WDPCP: variants seen among roughly 807,000 people sequenced by gnomAD.
WDPCP encodes the protein WD repeat containing planar cell polarity effector.
WDPCP carries 71 observed loss-of-function variants against 93.1 expected under a neutral mutation model. That is an observed-to-expected ratio of 0.76 (90% CI 0.63 to 0.93). The LOEUF is 0.93. Among genes scored for constraint, WDPCP ranks in the 40% least tolerant of loss-of-function variants. The probability of loss-of-function intolerance (pLI) is 0.00; values close to 1 mark genes in which losing one functional copy is unlikely to be tolerated. For synonymous variants in WDPCP, 315 were observed against 315.0 expected (o/e 1.00, Z 0.00); for missense variants, 844 against 887.4 (o/e 0.95, Z 0.62).
chr2:63,547,383 C>T (rs57184962), intron 1 of WDPCP, among the ~76,000 whole-genome samples: 7,126 of 152,106 alleles, frequency 0.047, 193 homozygotes, highest in South Asian at 0.071. Flanking sequence ...ATAGAACTAC[C>T]GTATGATCCA....
intron 14 of WDPCP, among the ~76,000 whole-genome samples, chr2:63,222,355 C>T (rs1677911281): frequency 6.6e-6 from 1 of 152,292 alleles, no homozygotes; most frequent in African/African-American, 2.4e-5. Context: ...TTTAGCACAA[C>T]AGGATTCCCT....
chr2:63,714,117 G>A (rs1433465917), intron 2 of WDPCP, among the ~76,000 whole-genome samples: 1 of 148,560 alleles, frequency 6.7e-6, no homozygotes, highest in Admixed American at 6.8e-5. Flanking sequence ...GTGCAGTGGT[G>A]CCATCTTGGC....
chr2:63,238,590 T>C (rs560563252), intron 14 of WDPCP, among the ~76,000 whole-genome samples: 2 of 152,160 alleles, frequency 1.3e-5, no homozygotes, highest in Non-Finnish European at 2.9e-5. Flanking sequence ...AATTTAAAAT[T>C]CTGTCTGTGG....
intron 14 of WDPCP, chr2:63,232,602 C>G (rs1328654170): frequency 6.5e-6 from 1 of 152,778 alleles, no homozygotes; most frequent in African/African-American, 2.4e-5. Flanking sequence ...TCAAAAGAAT[C>G]TTGAAATGCA....
In WDPCP at chr2:63,381,934, A is replaced by G. The variant is rs762400349; in HGVS notation, c.1596T>C (p.Leu532=). The G allele has an allele frequency of 1.2e-6, 2 of 1,613,488 alleles. No homozygotes were observed. The highest frequency in any genetic ancestry group is 2.2e-5 in the East Asian group (1 of 44,810). The change falls in exon 11 of 18, where the codon CTT becomes CTC. Residue 532 remains leucine, a synonymous_variant. Transcript: ENST00000272321. ...ISMSAIVNHL[L]RQKLTPEREA... ...CTCTCTCTGGAGTGAGCTTCTGTCT[A>G]AGAAGATGGTTTACAATGGCGCTCA...
chr2:63,780,689 CTTTG>C (rs771788397), intron 2 of WDPCP, among the ~76,000 whole-genome samples: 1 of 152,162 alleles, frequency 6.6e-6, no homozygotes, highest in East Asian at 1.9e-4. Context: ...ACACCTGCTG[CTTTG>C]TTTAACAACA....
At chr2:63,605,766 A>G in intron 3 of WDPCP, 1 of 632,064 alleles carries the variant, frequency 1.6e-6, no homozygotes, top group Non-Finnish European at 2.8e-6. Flanking sequence ...GTGGAATGAA[A>G]TAATATCCAT....
At chr2:63,379,574 G>C (rs1692132214) in intron 11 of WDPCP, among the ~76,000 whole-genome samples, 1 of 152,088 alleles carries the variant, frequency 6.6e-6, no homozygotes, top group Non-Finnish European at 1.5e-5. Flanking sequence ...TCTTGCCATT[G>C]CTTGTTTTCT....
intron 14 of WDPCP, among the ~76,000 whole-genome samples, chr2:63,196,873 T>C (rs1675476439): frequency 1.3e-5 from 2 of 152,144 alleles, no homozygotes; most frequent in African/African-American, 4.8e-5. Flanking sequence ...AGAAAACAAA[T>C]TGACAGACAA....
chr2:63,448,961 A>T (rs1698048525), intron 6 of WDPCP, among the ~76,000 whole-genome samples: 1 of 152,158 alleles, frequency 6.6e-6, no homozygotes, highest in African/African-American at 2.4e-5. Context: ...TAAAGTTAAT[A>T]ATAATGTGTT....
chr2:63,270,605 T>G (rs761672249), intron 13 of WDPCP, among the ~76,000 whole-genome samples: 2 of 152,138 alleles, frequency 1.3e-5, no homozygotes, highest in African/African-American at 2.4e-5. Flanking sequence ...AACATTAGAA[T>G]TCAGAGAGAA....
At chr2:63,528,592 C>T (rs545327410) in intron 1 of WDPCP, among the ~76,000 whole-genome samples, 2 of 152,244 alleles carry the variant, frequency 1.3e-5, no homozygotes, top group South Asian at 4.1e-4. Flanking sequence ...GTTTTGGTAC[C>T]AGTACCATGC....
intron 13 of WDPCP, among the ~76,000 whole-genome samples, chr2:63,267,929 A>G (rs934595595): frequency 6.6e-6 from 1 of 152,318 alleles, no homozygotes. Context: ...TTTCTTAAAA[A>G]AAACTAAAAA....
chr2:63,200,339 G>A (rs1047790974), intron 14 of WDPCP, among the ~76,000 whole-genome samples: 1 of 152,098 alleles, frequency 6.6e-6, no homozygotes, highest in Non-Finnish European at 1.5e-5. Context: ...CCACTGCTGG[G>A]TATCTACTCA....
intron 10 of WDPCP, among the ~76,000 whole-genome samples, chr2:63,393,187 A>G (rs971881151): frequency 6.6e-6 from 1 of 152,222 alleles, no homozygotes; most frequent in African/African-American, 2.4e-5. Context: ...CATATACACC[A>G]TGGAATACTA....
chr2:63,636,584 T>C (rs1269964861), intron 3 of WDPCP, among the ~76,000 whole-genome samples: 2 of 152,150 alleles, frequency 1.3e-5, no homozygotes, highest in Non-Finnish European at 1.5e-5. Flanking sequence ...TACAGGTACA[T>C]ACCACATGCC....
chr2:63,559,466 A>G (rs1228198715), intron 1 of WDPCP, among the ~76,000 whole-genome samples: 5 of 152,224 alleles, frequency 3.3e-5, no homozygotes, highest in Non-Finnish European at 5.9e-5. Flanking sequence ...TCAAATAGGA[A>G]GAGAGGAAGT....
intron 1 of WDPCP, among the ~76,000 whole-genome samples, chr2:63,824,906 C>T (rs965976624): frequency 9.9e-5 from 15 of 151,898 alleles, no homozygotes; most frequent in African/African-American, 2.9e-4. Flanking sequence ...AAGGAAAATA[C>T]GTATTTTACA....
intron 2 of WDPCP, among the ~76,000 whole-genome samples, chr2:63,753,423 C>T (rs184039801): frequency 1.6e-4 from 24 of 152,038 alleles, no homozygotes; most frequent in Non-Finnish European, 2.2e-4. Context: ...TGCAAGACTC[C>T]GTCTCGAACA....
Sources: allele counts gnomAD v4.1 joint callset (sites outside exome capture counted in the v4.1 genomes callset), GRCh38; gene constraint gnomAD v4.1.1; transcripts MANE v1.5; gene names NCBI Gene and HGNC (gene_info 2026-07-23, HGNC 2026-07-21).